RAB11FIP4: variants seen among roughly 807,000 people sequenced by gnomAD.
RAB11FIP4 encodes the protein RAB11 family interacting protein 4, also known as rab11 family-interacting protein 4.
RAB11FIP4 carries 23 observed loss-of-function variants against 74.3 expected under a neutral mutation model. The observed-to-expected ratio is 0.31, with a 90% CI of 0.22 to 0.44. The LOEUF is 0.44. RAB11FIP4 is among the 20% of genes least tolerant of loss of function. The pLI is 1.00. For synonymous variants in RAB11FIP4, 360 were observed against 359.9 expected (o/e 1.00, Z 0.00); for missense variants, 630 against 863.9 (o/e 0.73, Z 3.39).
chr17:31,404,373 T>G (rs1048426794), intron 1 of RAB11FIP4, among the ~76,000 whole-genome samples: 31 of 152,226 alleles, frequency 2.0e-4, no homozygotes, highest in African/African-American at 7.5e-4. Context: ...TCAGGTTCTC[T>G]CCCTGCCCTG....
chr17:31,450,761 C>T (rs1180712841), intron 3 of RAB11FIP4, among the ~76,000 whole-genome samples: 4 of 149,162 alleles, frequency 2.7e-5, no homozygotes, highest in African/African-American at 7.7e-5. Flanking sequence ...TTTTCCCCTC[C>T]GACATTGCCT....
chr17:31,445,535 T>C (rs1387407499), intron 3 of RAB11FIP4, among the ~76,000 whole-genome samples: 81 of 11,654 alleles, frequency 7.0e-3, no homozygotes, highest in African/African-American at 0.035. Context: ...CCCAATTTTA[T>C]ATATATATAT....
chr17:31,411,149 G>T (rs1178371278), intron 1 of RAB11FIP4, among the ~76,000 whole-genome samples: 3 of 152,144 alleles, frequency 2.0e-5, no homozygotes, highest in Admixed American at 2.0e-4. Context: ...GGATTCCAAG[G>T]TCAACAGATC....
chr17:31,493,470 G>C (rs776576291), intron 3 of RAB11FIP4, among the ~76,000 whole-genome samples: 5 of 151,512 alleles, frequency 3.3e-5, no homozygotes, highest in Non-Finnish European at 5.9e-5. Flanking sequence ...CTGCTGCTCC[G>C]GTGAACTTGG....
intron 1 of RAB11FIP4, among the ~76,000 whole-genome samples, chr17:31,406,323 T>G (rs969916698): frequency 6.6e-6 from 1 of 152,216 alleles, no homozygotes; most frequent in Non-Finnish European, 1.5e-5. Flanking sequence ...GGTGTGGGCA[T>G]CTCACAACCC....
intron 3 of RAB11FIP4, among the ~76,000 whole-genome samples, chr17:31,475,310 G>A (rs2071780758): frequency 6.6e-6 from 1 of 152,154 alleles, no homozygotes. Context: ...TAACCTGCAA[G>A]TCTCCCAGCT....
intron 1 of RAB11FIP4, among the ~76,000 whole-genome samples, chr17:31,421,113 C>T (rs1367922853): frequency 6.6e-6 from 1 of 152,178 alleles, no homozygotes; most frequent in African/African-American, 2.4e-5. Context: ...AAAGATACTT[C>T]ATCTTTGACT....
chr17:31,422,197 TTA>T (rs747177161), intron 1 of RAB11FIP4, among the ~76,000 whole-genome samples: 18 of 152,136 alleles, frequency 1.2e-4, no homozygotes, highest in Non-Finnish European at 1.8e-4. Context: ...AAAAAAAGTA[TTA>T]TAGTTTGTTT....
At position 31,512,529 on chromosome 17, in the gene RAB11FIP4, A is replaced by G. The variant is rs1462079359; in HGVS notation, c.337-5122A>G. On this transcript the variant is annotated intron_variant, in intron 3 of 14. Transcript: ENST00000621161. The surrounding 1 kb of genome is among the most constrained non-coding windows in gnomAD (Gnocchi z 4.1). ...CCCGGGGTCCGCTGGCAGGTGGAAG[A>G]AAGCCTGGGGTGGTGTGGCCATGTA... is the stretch of plus-strand genomic sequence containing the variant. Among the ~76,000 whole-genome samples the G allele has an allele frequency of 6.6e-6, 1 of 152,154 alleles. No individual in the cohort carries two copies. The highest frequency in any genetic ancestry group is 2.4e-5 in the African/African-American group (1 of 41,442).
At chr17:31,456,298 C>G (rs1447893025) in intron 3 of RAB11FIP4, among the ~76,000 whole-genome samples, 1 of 64,562 alleles carries the variant, frequency 1.5e-5, no homozygotes, top group Non-Finnish European at 3.7e-5. Flanking sequence ...GCCCAGCCTT[C>G]TAGGCTCAAG....
intron 3 of RAB11FIP4, among the ~76,000 whole-genome samples, chr17:31,486,329 C>A (rs888956802): frequency 1.6e-4 from 24 of 152,140 alleles, no homozygotes; most frequent in Non-Finnish European, 2.1e-4. Context: ...CAGCCTCAAA[C>A]TCCTGGGCTC....
intron 3 of RAB11FIP4, among the ~76,000 whole-genome samples, chr17:31,475,478 C>T (rs992662536): frequency 2.6e-5 from 4 of 152,210 alleles, no homozygotes; most frequent in African/African-American, 7.2e-5. Context: ...AAGCATTCGT[C>T]GTGCATTCTT....
chr17:31,484,218 T>G (rs2071878704), intron 3 of RAB11FIP4, among the ~76,000 whole-genome samples: 1 of 151,732 alleles, frequency 6.6e-6, no homozygotes, highest in African/African-American at 2.4e-5. Context: ...TTACAAGCGC[T>G]CGCCACTACA....
chr17:31,507,565 G>C (rs1331989546), intron 3 of RAB11FIP4, among the ~76,000 whole-genome samples: 1 of 152,052 alleles, frequency 6.6e-6, no homozygotes, highest in Admixed American at 6.5e-5. Flanking sequence ...CTATTGAGTT[G>C]TTTGAGTTCC....
intron 1 of RAB11FIP4, among the ~76,000 whole-genome samples, chr17:31,413,486 C>G (rs1252463975): frequency 1.3e-5 from 2 of 151,014 alleles, no homozygotes; most frequent in African/African-American, 4.9e-5. Flanking sequence ...TTAGCCTCCC[C>G]CTGCCCTCCA....
intron 1 of RAB11FIP4, among the ~76,000 whole-genome samples, chr17:31,405,601 G>C (rs1281620896): frequency 6.6e-6 from 1 of 152,124 alleles, no homozygotes; most frequent in Non-Finnish European, 1.5e-5. Flanking sequence ...TGGAACTCCT[G>C]ACCTCAGGCG....
At chr17:31,524,194 G>A (rs116700086) in intron 9 of RAB11FIP4, 198 bp downstream of exon 9, 10,728 of 568,906 alleles carry the variant, frequency 0.019, 897 homozygotes, top group African/African-American at 0.18. Context: ...AGACAGGTTG[G>A]AGCTTGACCT....
chr17:31,455,645 G>T (rs2071572366), intron 3 of RAB11FIP4, among the ~76,000 whole-genome samples: 1 of 56,100 alleles, frequency 1.8e-5, no homozygotes, highest in Non-Finnish European at 3.2e-5. Context: ...GAGTGGGTCT[G>T]CTCTGATAAT....
At chr17:31,444,845 T>C (rs1597920244) in intron 3 of RAB11FIP4, among the ~76,000 whole-genome samples, 1 of 152,360 alleles carries the variant, frequency 6.6e-6, no homozygotes, top group Middle Eastern at 3.4e-3. Flanking sequence ...CCTGATTACA[T>C]AGACTTTGAT....
Sources: allele counts gnomAD v4.1 joint callset (sites outside exome capture counted in the v4.1 genomes callset), GRCh38; gene constraint gnomAD v4.1.1; non-coding constraint Gnocchi (gnomAD v3.1); transcripts MANE v1.5; gene names NCBI Gene and HGNC (gene_info 2026-07-23, HGNC 2026-07-21).